The following ZNF83 variants were observed in gnomAD, a reference collection of about 807,000 sequenced individuals.
The protein encoded by ZNF83 is zinc finger protein 83.
For missense variants in ZNF83, 552 were observed against 629.9 expected, an observed-to-expected ratio of 0.88 and a Z score of 1.32; for synonymous variants, 209 against 213.0, an observed-to-expected ratio of 0.98 and a Z score of 0.17.
intron 1 of ZNF83, among the ~76,000 whole-genome samples, chr19:52,677,273 C>A (rs1262824230): frequency 6.9e-6 from 1 of 144,084 alleles, no homozygotes; most frequent in Admixed American, 7.2e-5. Flanking sequence ...GGGCATTTTG[C>A]TTTTGAATAT....
At chr19:52,620,036 G>A (rs564521280) in intron 2 of ZNF83, among the ~76,000 whole-genome samples, 6 of 152,256 alleles carry the variant, frequency 3.9e-5, no homozygotes, top group African/African-American at 9.6e-5. Context: ...GCAACAAAGC[G>A]AGGCCCCATC....
At chr19:52,676,219 G>A (rs2061802084) in intron 1 of ZNF83, among the ~76,000 whole-genome samples, 1 of 152,238 alleles carries the variant, frequency 6.6e-6, no homozygotes, top group Non-Finnish European at 1.5e-5. Flanking sequence ...CTAACCGTGA[G>A]TGATCTGCCA....
At chr19:52,632,549 C>G (rs373172849) in intron 2 of ZNF83, among the ~76,000 whole-genome samples, 9 of 152,170 alleles carry the variant, frequency 5.9e-5, no homozygotes, top group Non-Finnish European at 1.0e-4. Flanking sequence ...CCCTGCTCTT[C>G]TTTACACTGC....
intron 1 of ZNF83, among the ~76,000 whole-genome samples, chr19:52,681,540 C>G (rs540067595): frequency 6.6e-6 from 1 of 152,270 alleles, no homozygotes; most frequent in South Asian, 2.1e-4. Flanking sequence ...CTTCCCATGT[C>G]TTAAGCCATA....
At chr19:52,680,697 C>T (rs1054962281) in intron 1 of ZNF83, among the ~76,000 whole-genome samples, 3 of 140,498 alleles carry the variant, frequency 2.1e-5, no homozygotes, top group Non-Finnish European at 4.5e-5. Flanking sequence ...ACTGCAAGCT[C>T]CGCCTCCCGG....
chr19:52,657,846 T>TAA (rs998581229), intron 2 of ZNF83, among the ~76,000 whole-genome samples: 1 of 139,234 alleles, frequency 7.2e-6, no homozygotes. Context: ...AAACTCTGTC[T>TAA]AAAAAAAAAA....
rs2061790148 is a variant in ZNF83 at position 52,675,647 on chromosome 19, GA to G, written c.-283+14795del. ...TTCAGCATTACAAAATCGATAGGCT[GA>G]AAAGAAACAGTATTTGCATCCAGAT... is the stretch of plus-strand genomic sequence containing the variant. On this transcript the variant is annotated intron_variant, in intron 1 of 5. Coordinates refer to the ZNF83 transcript ENST00000594682. Among the ~76,000 whole-genome samples the G allele has an allele frequency of 2.0e-5, 3 of 152,282 alleles. No individual in the cohort carries two copies. In the South Asian group the frequency reaches 6.2e-4, roughly 32 times the overall value.
chr19:52,657,200 A>C (rs764961832), intron 2 of ZNF83, among the ~76,000 whole-genome samples: 1 of 152,216 alleles, frequency 6.6e-6, no homozygotes, highest in Non-Finnish European at 1.5e-5. Flanking sequence ...GAAAATGAGA[A>C]GGTCAGCCAA....
At chr19:52,654,957 G>A (rs1341744316) in intron 3 of ZNF83, 4 of 152,820 alleles carry the variant, frequency 2.6e-5, no homozygotes, top group African/African-American at 9.7e-5. Context: ...AGGCTGAGGT[G>A]GGCAGATTGC....
chr19:52,637,078 C>G (rs2061173570), intron 1 of ZNF83: 1 of 150,270 alleles, frequency 6.7e-6, no homozygotes, highest in Non-Finnish European at 1.5e-5. Context: ...CATTTTGTAC[C>G]CCTCTCCTCT....
chr19:52,688,343 T>A (rs1330996348), intron 1 of ZNF83, among the ~76,000 whole-genome samples: 1 of 151,804 alleles, frequency 6.6e-6, no homozygotes, highest in African/African-American at 2.4e-5. Flanking sequence ...ATTAATTTTT[T>A]TTTTTTTTTG....
intron 2 of ZNF83, among the ~76,000 whole-genome samples, chr19:52,625,344 G>A (rs558045382): frequency 4.5e-4 from 69 of 152,140 alleles, no homozygotes; most frequent in Non-Finnish European, 1.3e-4. Context: ...CTATGCAAGT[G>A]TCCTCCATCA....
At chr19:52,628,745 C>G (rs867693431) in intron 2 of ZNF83, among the ~76,000 whole-genome samples, 1 of 151,944 alleles carries the variant, frequency 6.6e-6, no homozygotes. Flanking sequence ...AAACCCCAAC[C>G]CCTTCTCCTT....
At chr19:52,638,177 T>G (rs932074137) in intron 1 of ZNF83, 135 bp downstream of exon 1, 1 of 152,320 alleles carries the variant, frequency 6.6e-6, no homozygotes, top group Non-Finnish European at 1.5e-5. Context: ...ATCCGGACTC[T>G]CATGGGGACG....
intron 2 of ZNF83, among the ~76,000 whole-genome samples, chr19:52,631,062 A>G (rs1040886368): frequency 2.7e-5 from 4 of 146,756 alleles, no homozygotes; most frequent in East Asian, 2.0e-4. Flanking sequence ...CCTTCATCCC[A>G]GCCTCTCTTC....
At chr19:52,614,830 T>A in intron 2 of ZNF83, 33 bp from the exon 3 acceptor site, 1 of 1,256,468 alleles carries the variant, frequency 8.0e-7, no homozygotes. Flanking sequence ...AGTTTCCAAT[T>A]AATTACAGAT....
At chr19:52,659,334 G>C (rs2076441584) in intron 2 of ZNF83, among the ~76,000 whole-genome samples, 1 of 152,068 alleles carries the variant, frequency 6.6e-6, no homozygotes, top group Admixed American at 6.6e-5. Flanking sequence ...GTAAGTCATT[G>C]GTGCCCACTC....
At chr19:52,687,628 AT>A (rs2062063835) in intron 1 of ZNF83, among the ~76,000 whole-genome samples, 1 of 16,266 alleles carries the variant, frequency 6.1e-5, no homozygotes, top group African/African-American at 4.5e-4. Context: ...ATATATATAT[AT>A]AATGTATATA....
chr19:52,665,711 C>T (rs986257656), intron 1 of ZNF83, among the ~76,000 whole-genome samples: 3 of 152,140 alleles, frequency 2.0e-5, no homozygotes, highest in South Asian at 2.1e-4. Context: ...ATTAGCCAAT[C>T]GGAATTAGCT....
Sources: allele counts gnomAD v4.1 joint callset (sites outside exome capture counted in the v4.1 genomes callset), GRCh38; gene constraint gnomAD v4.1.1; transcripts MANE v1.5; gene names NCBI Gene and HGNC (gene_info 2026-07-23, HGNC 2026-07-21).